The following ADAM22 variants were observed in gnomAD, a reference collection of about 807,000 sequenced individuals.
ADAM22 encodes the protein ADAM metallopeptidase domain 22, also known as disintegrin and metalloproteinase domain-containing protein 22.
Under a neutral mutation model 144.6 loss-of-function variants are expected in ADAM22, and 65 were observed. The observed-to-expected ratio is 0.45, with a 90% CI of 0.37 to 0.55. The LOEUF (loss-of-function observed/expected upper bound fraction) is 0.55. Among genes scored for constraint, ADAM22 ranks in the 20% least tolerant of loss-of-function variants. The pLI is 0.00. For synonymous variants in ADAM22, 391 were observed against 412.6 expected, an observed-to-expected ratio of 0.95 and a Z score of 0.63; for missense variants, 974 against 1,184.9, an observed-to-expected ratio of 0.82 and a Z score of 2.61.
At position 88,089,323 on chromosome 7, in the gene ADAM22, G is replaced by A. The variant is rs1422434408; in HGVS notation, c.390+13631G>A. ...GTAAATTTTGCTGCATGCGTTATTA[G>A]TACAGAGCTATCCATACCCTTGCAT... On this transcript the variant is annotated intron_variant, in intron 4 of 31. Coordinates refer to ENST00000413139, the MANE Select transcript of ADAM22 (RefSeq NM_001324418.2). Among the ~76,000 whole-genome samples the A allele has an allele frequency of 2.6e-5, 4 of 152,000 alleles. No individual in the cohort carries two copies. The East Asian group carries it at 7.7e-4, about 29-fold the overall frequency.
intron 3 of ADAM22, among the ~76,000 whole-genome samples, chr7:88,011,637 T>C (rs994197597): frequency 7.9e-5 from 12 of 152,246 alleles, no homozygotes; most frequent in African/African-American, 2.9e-4. Context: ...GTTGGCAATA[T>C]GTGTCTTTAG....
intron 4 of ADAM22, among the ~76,000 whole-genome samples, chr7:88,084,580 C>T (rs918398941): frequency 1.3e-5 from 2 of 152,182 alleles, no homozygotes; most frequent in African/African-American, 2.4e-5. Context: ...CTGGTTCCCT[C>T]CTGTCTCGAC....
chr7:88,093,613 C>G (rs1202722730), intron 4 of ADAM22, among the ~76,000 whole-genome samples: 2 of 152,144 alleles, frequency 1.3e-5, no homozygotes, highest in African/African-American at 4.8e-5. Flanking sequence ...GTGGCGCAGT[C>G]TTGGCTCGCT....
At chr7:88,100,580 G>T (rs1822642516) in intron 4 of ADAM22, among the ~76,000 whole-genome samples, 1 of 152,184 alleles carries the variant, frequency 6.6e-6, no homozygotes, top group Admixed American at 6.5e-5. Flanking sequence ...TTTTAATCGG[G>T]ATAGGTTGGT....
chr7:88,088,965 A>G (rs1221305984), intron 4 of ADAM22, among the ~76,000 whole-genome samples: 1 of 151,792 alleles, frequency 6.6e-6, no homozygotes, highest in Non-Finnish European at 1.5e-5. Context: ...TTTTTTAATG[A>G]CAGTACTTAT....
At chr7:88,191,199 G>T (rs1859789) in intron 30 of ADAM22, among the ~76,000 whole-genome samples, 17,674 of 152,206 alleles carry the variant, frequency 0.12, 1,785 homozygotes, top group East Asian at 0.48. Flanking sequence ...AATTGGCTTT[G>T]CCCATAGAAA....
At position 88,082,803 on chromosome 7, in the gene ADAM22, AG is replaced by A. The variant is rs1275673780; in HGVS notation, c.390+7112del. 2.0e-5 allele frequency among the ~76,000 whole-genome samples: 3 copies of A among 152,248 alleles called. No homozygotes were observed. In the East Asian group the frequency reaches 5.8e-4, roughly 29 times the overall value. ...CCACAATGAGATACCATCTCACACC[AG>A]TTAGAATGGCGATCATTAAAAAGTC... On this transcript the variant is annotated intron_variant, in intron 4 of 31. Transcript: ENST00000413139.
In ADAM22 at chr7:88,075,705, T is replaced by C. The variant is rs542283084; in HGVS notation, c.390+13T>C. ...TGTGGAAGTTAAAGTAAGTGAAATT[T>C]TCCTACTTGTGGGGAAATTTGTTGA... On this transcript the variant is annotated intron_variant, in intron 4 of 31. Transcript: ENST00000413139. The C allele has an allele frequency of 8.6e-5, 138 of 1,607,454 alleles. 2 individuals are homozygous for C. The South Asian group carries it at 1.5e-3, about 17-fold the overall frequency.
chr7:88,070,663 T>TC (rs1456475786), intron 3 of ADAM22, among the ~76,000 whole-genome samples: 1 of 152,228 alleles, frequency 6.6e-6, no homozygotes, highest in Non-Finnish European at 1.5e-5. Flanking sequence ...AGTTTTTTTT[T>TC]CACTGTCAAG....
At chr7:88,175,222 G>T (rs1219677582) in intron 26 of ADAM22, among the ~76,000 whole-genome samples, 1 of 152,092 alleles carries the variant, frequency 6.6e-6, no homozygotes, top group East Asian at 1.9e-4. Context: ...TTTAAATTTA[G>T]AATGCTAACA....
intron 4 of ADAM22, among the ~76,000 whole-genome samples, chr7:88,079,865 C>T (rs563008673): frequency 3.9e-4 from 59 of 152,282 alleles, no homozygotes; most frequent in Admixed American, 7.8e-4. Context: ...GAGTGACCTA[C>T]AAAGAGACTT....
intron 2 of ADAM22, among the ~76,000 whole-genome samples, chr7:87,971,863 T>C (rs1850522932): frequency 6.6e-6 from 1 of 152,220 alleles, no homozygotes; most frequent in South Asian, 2.1e-4. Context: ...GTGTAGTTCA[T>C]TTACTTTATT....
intron 4 of ADAM22, among the ~76,000 whole-genome samples, chr7:88,096,110 A>T (rs1821219485): frequency 6.6e-6 from 1 of 152,016 alleles, no homozygotes; most frequent in Non-Finnish European, 1.5e-5. Flanking sequence ...TTTAGTAGAG[A>T]CCAGGTCTCA....
chr7:88,027,614 A>T (rs1799297142), intron 3 of ADAM22, among the ~76,000 whole-genome samples: 1 of 151,758 alleles, frequency 6.6e-6, no homozygotes, highest in Admixed American at 6.6e-5. Flanking sequence ...CTGGCTAAAG[A>T]TTTGTCAATT....
chr7:88,031,992 G>A (rs1300064999), intron 3 of ADAM22, among the ~76,000 whole-genome samples: 1 of 152,246 alleles, frequency 6.6e-6, no homozygotes, highest in East Asian at 1.9e-4. Context: ...CTAGATTTCA[G>A]AGGATGTATA....
chr7:88,177,253 A>G (rs1845907757), intron 26 of ADAM22, among the ~76,000 whole-genome samples: 1 of 152,002 alleles, frequency 6.6e-6, no homozygotes, highest in Admixed American at 6.6e-5. Flanking sequence ...AAAAACTAGA[A>G]CTCTGATTTT....
intron 3 of ADAM22, among the ~76,000 whole-genome samples, chr7:88,059,379 A>C (rs1463502461): frequency 2.0e-5 from 3 of 152,236 alleles, no homozygotes; most frequent in Non-Finnish European, 4.4e-5. Context: ...AGTTGAAACA[A>C]TGAAAAATTT....
chr7:88,153,110 A>T (rs1011147913), intron 20 of ADAM22, 111 bp from the exon 21 acceptor site: 11 of 638,540 alleles, frequency 1.7e-5, no homozygotes, highest in Non-Finnish European at 2.7e-5. Flanking sequence ...TTTGGAATTG[A>T]TAACACTGTA....
rs1842942174 is a variant in ADAM22 at position 87,943,902 on chromosome 7, G to T, written c.246+8716G>T. 2.0e-5 allele frequency among the ~76,000 whole-genome samples: 3 copies of T among 152,114 alleles called. No homozygotes were observed. In the South Asian group the frequency reaches 6.3e-4, roughly 32 times the overall value. ...GGGATTTTAGCACTTAGCAATAATT[G>T]CCCTTTTGTTGCATTTTTTGTCTCA... On this transcript the variant is annotated intron_variant, in intron 2 of 31. Transcript: ENST00000413139.
Sources: allele counts gnomAD v4.1 joint callset (sites outside exome capture counted in the v4.1 genomes callset), GRCh38; gene constraint gnomAD v4.1.1; transcripts MANE v1.5; gene names NCBI Gene and HGNC (gene_info 2026-07-23, HGNC 2026-07-21).